Variants in NUSAP1 observed in about 807,000 individuals in gnomAD.
NUSAP1 encodes nucleolar and spindle-associated protein 1.
A neutral mutation model predicts 52.8 loss-of-function variants in NUSAP1; 32 were observed. The ratio of observed to expected loss-of-function variants is 0.61; its 90% CI spans 0.46 to 0.81. The LOEUF (loss-of-function observed/expected upper bound fraction) is 0.81. Ranked by LOEUF, NUSAP1 falls within the 40% of genes least tolerant of loss-of-function variation. The pLI is 0.00. For missense variants in NUSAP1, 499 were observed against 522.3 expected, an observed-to-expected ratio of 0.96 and a Z score of 0.43; for synonymous variants, 195 against 183.1, an observed-to-expected ratio of 1.06 and a Z score of -0.52.
intron 1 of NUSAP1, among the ~76,000 whole-genome samples, chr15:41,340,193 TTTC>T (rs1567040302): frequency 6.6e-6 from 1 of 152,004 alleles, no homozygotes; most frequent in African/African-American, 2.4e-5. Flanking sequence ...ATAAGGGCAG[TTTC>T]TGTCTTTCAA....
intron 1 of NUSAP1, 108 bp downstream of exon 1, chr15:41,333,158 TC>T: frequency 2.6e-6 from 2 of 773,400 alleles, no homozygotes; most frequent in Non-Finnish European, 4.4e-6. Flanking sequence ...GAGGCAGCTC[TC>T]CCTGCCCCTC....
intron 7 of NUSAP1, among the ~76,000 whole-genome samples, chr15:41,367,424 C>T (rs899269691): frequency 2.6e-5 from 4 of 152,112 alleles, no homozygotes; most frequent in African/African-American, 9.7e-5. Context: ...TTGCAGCCAC[C>T]CCTACCAAGC....
intron 10 of NUSAP1, 114 bp downstream of exon 10, chr15:41,377,418 G>A (rs1237922880): frequency 1.1e-5 from 6 of 561,668 alleles, no homozygotes; most frequent in Admixed American, 4.0e-5. Context: ...GTGGTATTAT[G>A]GCCGTGTGCG....
intron 6 of NUSAP1, among the ~76,000 whole-genome samples, chr15:41,360,474 G>A (rs2049129678): frequency 1.3e-5 from 2 of 151,954 alleles, no homozygotes; most frequent in South Asian, 4.1e-4. Flanking sequence ...CTGCCACCAC[G>A]CCTGGCTAAT....
chr15:41,371,843 T>C (rs1423174138), intron 8 of NUSAP1, among the ~76,000 whole-genome samples, 159 bp downstream of exon 8: 1 of 152,126 alleles, frequency 6.6e-6, no homozygotes, highest in Admixed American at 6.6e-5. Context: ...GGATCTCGGC[T>C]CACTGCAACC....
At chr15:41,358,043 G>C in intron 5 of NUSAP1, 106 bp from the exon 6 acceptor site, 1 of 520,078 alleles carries the variant, frequency 1.9e-6, no homozygotes, top group Non-Finnish European at 3.4e-6. Context: ...TATTGAAGTT[G>C]AATGTCAGGG....
intron 2 of NUSAP1, among the ~76,000 whole-genome samples, chr15:41,347,547 G>C (rs1215295648): frequency 1.3e-5 from 2 of 152,066 alleles, no homozygotes; most frequent in African/African-American, 4.8e-5. Context: ...CGGGTGCGGT[G>C]GCTCACTCCT....
intron 1 of NUSAP1, among the ~76,000 whole-genome samples, chr15:41,340,248 C>T (rs1485259969): frequency 1.3e-5 from 2 of 152,148 alleles, no homozygotes; most frequent in East Asian, 3.8e-4. Context: ...GGCGCTCGCT[C>T]TGCTCGGAGT....
intron 1 of NUSAP1, among the ~76,000 whole-genome samples, chr15:41,336,999 C>CTTTTTTTTT (rs201223527): frequency 1.2e-4 from 8 of 65,820 alleles, no homozygotes; most frequent in South Asian, 5.8e-4. Context: ...CTTTCCTTTT[C>CTTTTTTTTT]TTTTTTTTTT....
chr15:41,356,061 T>G lies in NUSAP1; in HGVS notation c.471T>G (p.Pro157=), dbSNP rs1479563626. 1 of 1,605,330 alleles carries G rather than the reference T, an allele frequency of 6.2e-7. No individual in the cohort carries two copies. The highest frequency in any genetic ancestry group is 1.3e-5 in the African/African-American group (1 of 74,906). ...VSSGNRDSKV[P]SEGKKSLYTD... ...TAGGTAACAGAGATTCAAAGGTACC[T>G]TCAGAAGGAAAGAAATCTCTCTACA... The change falls in exon 5 of 11, where the codon CCT becomes CCG. Residue 157 remains proline (P), a synonymous_variant. Coordinates refer to ENST00000559596, the MANE Select transcript of NUSAP1 (RefSeq NM_016359.5).
intron 7 of NUSAP1, among the ~76,000 whole-genome samples, chr15:41,370,749 CAAA>C (rs60034914): frequency 1.4e-5 from 1 of 70,760 alleles, no homozygotes. Flanking sequence ...AACTCCATCT[CAAA>C]AAAAAAAAAA....
chr15:41,360,711 C>T (rs990567136), intron 6 of NUSAP1, among the ~76,000 whole-genome samples: 16 of 152,144 alleles, frequency 1.1e-4, no homozygotes, highest in Non-Finnish European at 2.1e-4. Flanking sequence ...CCCACCTCAG[C>T]CTCCCAAAGT....
At chr15:41,348,759 C>T (rs1223316705) in intron 2 of NUSAP1, among the ~76,000 whole-genome samples, 1 of 152,136 alleles carries the variant, frequency 6.6e-6, no homozygotes, top group Non-Finnish European at 1.5e-5. Context: ...CTGCCTCAGC[C>T]TTCCAAGTAG....
Position 41,332,970 on chromosome 15 carries a change from T to A in NUSAP1, c.13T>A (p.Ser5Thr), listed in dbSNP as rs200844937. MIIPSLEELDSLKYS... is the reference protein window; with the variant it reads MIIPTLEELDSLKYS... ...ATTTCGAATCGCGATGATCATCCCC[T>A]CTCTAGAGGAGCTGGACTCCCTCAA... The change falls in exon 1 of 11, where the codon TCT becomes ACT. Residue 5 changes from serine (S) to threonine (T), a missense_variant. By Grantham distance (58) the Ser-to-Thr change is moderately conservative. Transcript: ENST00000559596. 3.6e-4 allele frequency: 580 copies of A among 1,610,640 alleles called. 1 individual carries two copies. In the Middle Eastern group the frequency reaches 6.1e-3, roughly 17 times the overall value.
At chr15:41,333,308 TTTTTG>T (rs373696172) in intron 1 of NUSAP1, among the ~76,000 whole-genome samples, 4 of 152,106 alleles carry the variant, frequency 2.6e-5, no homozygotes, top group Admixed American at 2.6e-4. Context: ...GGTTTATTGT[TTTTTG>T]TTTTGTTTTG....
chr15:41,374,967 G>C (rs1357719009), intron 8 of NUSAP1, among the ~76,000 whole-genome samples: 1 of 150,476 alleles, frequency 6.6e-6, no homozygotes, highest in African/African-American at 2.4e-5. Context: ...TCAGCCTCCC[G>C]AGTAGCTGGG....
At chr15:41,334,021 A>G (rs564546149) in intron 1 of NUSAP1, among the ~76,000 whole-genome samples, 3 of 152,336 alleles carry the variant, frequency 2.0e-5, no homozygotes, top group African/African-American at 7.2e-5. Flanking sequence ...TTCCCACATA[A>G]TACTGCTATA....
rs1229019941 is a variant in NUSAP1, at chr15:41,365,391, TTTCTC to T, written c.661-7_661-3del. 6.3e-7 allele frequency: 1 copy of T among 1,590,062 alleles called. No individual in the cohort carries two copies. Among genetic ancestry groups the T allele is most frequent in the Admixed American group, 1.8e-5 (1 of 56,858 alleles). ...AGGCCAAGCTTTTAAAATGATGCAT[TTTCTC>T]TTCAGCAGCAGCCCATCAATAAGGG... is the stretch of plus-strand genomic sequence containing the variant. On this transcript the variant is annotated splice_polypyrimidine_tract_variant and splice_region_variant and intron_variant, in intron 6 of 10. Transcript: ENST00000559596.
chr15:41,351,390 C>A (rs2048773869), intron 4 of NUSAP1, among the ~76,000 whole-genome samples: 1 of 152,142 alleles, frequency 6.6e-6, no homozygotes, highest in Admixed American at 6.6e-5. Flanking sequence ...GCTTGGTGTT[C>A]CTTGGCTTGC....
Sources: allele counts gnomAD v4.1 joint callset (sites outside exome capture counted in the v4.1 genomes callset), GRCh38; gene constraint gnomAD v4.1.1; transcripts MANE v1.5; gene names NCBI Gene and HGNC (gene_info 2026-07-23, HGNC 2026-07-21).